Variants in THRA observed in about 807,000 individuals in gnomAD.
The protein encoded by THRA is EAR-7.
Under a neutral mutation model 45.0 loss-of-function variants are expected in THRA, and 13 were observed. That is an observed-to-expected ratio of 0.29 (90% CI 0.19 to 0.46). The LOEUF (loss-of-function observed/expected upper bound fraction) is 0.46. Among genes scored for constraint, THRA ranks in the 20% least tolerant of loss-of-function variants. The probability of loss-of-function intolerance (pLI) is 1.00; values close to 1 mark genes in which losing one functional copy is unlikely to be tolerated. For missense variants in THRA, 278 were observed against 556.1 expected (o/e 0.50, Z 5.03); for synonymous variants, 195 against 214.0 (o/e 0.91, Z 0.78).
In THRA at chr17:40,091,643, CT is replaced by C. The variant is rs1490946169; in HGVS notation, c.*2189del. The C allele has an allele frequency of 6.6e-6, 1 of 152,126 alleles. No homozygotes were observed. The highest frequency in any genetic ancestry group is 2.4e-5 in the African/African-American group (1 of 41,378). 9.4% of individuals were successfully genotyped at this position (152,126 alleles called of 1,614,324 possible). ...GCCATGGACACGGCAGAGAAAAGGC[CT>C]TGAAGAGCCTTAGCCTCTTATAGGC... On this transcript the variant is annotated 3_prime_UTR_variant, in exon 9 of 9. Coordinates refer to ENST00000450525, the MANE Select transcript of THRA (RefSeq NM_199334.5).
chr17:40,072,890 T>A (rs1046426819), intron 1 of THRA, among the ~76,000 whole-genome samples: 2 of 152,144 alleles, frequency 1.3e-5, no homozygotes, highest in Non-Finnish European at 2.9e-5. Flanking sequence ...TCCCTGCTCA[T>A]GCCCCCCCAC....
At chr17:40,063,481 C>A (rs1276952606) in intron 1 of THRA, among the ~76,000 whole-genome samples, 2 of 152,102 alleles carry the variant, frequency 1.3e-5, no homozygotes, top group Non-Finnish European at 2.9e-5. Flanking sequence ...GGAGGCCTGC[C>A]CCCCCAGCCC....
rs548550672 is a variant in THRA, at chr17:40,090,145, C to T, written c.*689C>T. The T allele has an allele frequency of 7.8e-5, 38 of 490,292 alleles. No individual in the cohort carries two copies. Among genetic ancestry groups the T allele is most frequent in the African/African-American group, 7.2e-4 (33 of 46,092 alleles). 30.4% of individuals were successfully genotyped at this position (490,292 alleles called of 1,614,324 possible). On this transcript the variant is annotated 3_prime_UTR_variant, in exon 9 of 9. Coordinates refer to ENST00000450525, the MANE Select transcript of THRA (RefSeq NM_199334.5). Reference sequence around the variant, plus strand: ...CCCCTTTACCACCCCATGCACTTTGCGAGCTGCCCCTTCTTCCCCCACATC... The same window carrying T: ...CCCCTTTACCACCCCATGCACTTTGTGAGCTGCCCCTTCTTCCCCCACATC...
chr17:40,085,230 C>T (rs1003211656), intron 6 of THRA, among the ~76,000 whole-genome samples: 7 of 152,192 alleles, frequency 4.6e-5, no homozygotes, highest in Non-Finnish European at 8.8e-5. Context: ...GGTGCAGTGG[C>T]TCATGCCTGT....
At chr17:40,085,607 T>G (rs1482769186) in intron 6 of THRA, among the ~76,000 whole-genome samples, 1 of 151,846 alleles carries the variant, frequency 6.6e-6, no homozygotes, top group Non-Finnish European at 1.5e-5. Context: ...GTGCTGTGAT[T>G]ACAAGATGTG....
At chr17:40,087,072 CCTAGCATACAGATACGT>C in intron 7 of THRA, 1 of 573,892 alleles carries the variant, frequency 1.7e-6, no homozygotes, top group Non-Finnish European at 3.0e-6. Flanking sequence ...CACACACACA[CCTAGCATACAGATACGT>C]ACACAGACAC....
rs920946330 is a variant in THRA, at chr17:40,090,146, G to A, written c.*690G>A. The A allele has an allele frequency of 8.2e-6, 4 of 489,482 alleles. No homozygotes were observed. Among genetic ancestry groups the A allele is most frequent in the African/African-American group, 2.3e-5 (1 of 43,702 alleles). 30.3% of individuals were successfully genotyped at this position (489,482 alleles called of 1,614,324 possible). A position where few individuals can be genotyped will look rare whatever the true frequency, so the allele number is the denominator to read the frequency against. The stretch of plus-strand genomic sequence containing the variant: ...CCCTTTACCACCCCATGCACTTTGC[G>A]AGCTGCCCCTTCTTCCCCCACATCA... On this transcript the variant is annotated 3_prime_UTR_variant, in exon 9 of 9. Coordinates refer to ENST00000450525, the MANE Select transcript of THRA (RefSeq NM_199334.5).
At chr17:40,078,971 C>T (rs1382591697) in intron 4 of THRA, among the ~76,000 whole-genome samples, 1 of 151,974 alleles carries the variant, frequency 6.6e-6, no homozygotes, top group Non-Finnish European at 1.5e-5. Context: ...ACCTCGTGAT[C>T]CGCCCGCCTT....
intron 7 of THRA, among the ~76,000 whole-genome samples, chr17:40,087,976 G>T (rs1450218172): frequency 2.0e-5 from 3 of 152,144 alleles, no homozygotes; most frequent in Non-Finnish European, 2.9e-5. Context: ...GGCCAGGCTG[G>T]TCTCGAACTC....
At chr17:40,085,937 C>T (rs1366658656) in intron 6 of THRA, among the ~76,000 whole-genome samples, 2 of 152,146 alleles carry the variant, frequency 1.3e-5, no homozygotes, top group Non-Finnish European at 2.9e-5. Context: ...CTACTGCTCC[C>T]GGCCTCTCTA....
intron 2 of THRA, among the ~76,000 whole-genome samples, chr17:40,076,306 G>A (rs1262639663): frequency 6.6e-6 from 1 of 152,168 alleles, no homozygotes; most frequent in Non-Finnish European, 1.5e-5. Flanking sequence ...CACACTGGAG[G>A]GATGAGGGTG....
At chr17:40,072,337 C>T (rs759025652) in intron 1 of THRA, among the ~76,000 whole-genome samples, 3 of 152,162 alleles carry the variant, frequency 2.0e-5, no homozygotes, top group Non-Finnish European at 4.4e-5. Context: ...TCCTCGGCTG[C>T]CCCCAGGACC....
chr17:40,089,099 C>A lies in THRA; in HGVS notation c.983-107C>A. 1 of 1,093,116 alleles carries A rather than the reference C, an allele frequency of 9.1e-7. No homozygotes were observed. Among genetic ancestry groups the A allele is most frequent in the Non-Finnish European group, 1.3e-6 (1 of 755,812 alleles). The allele number at this position is 1,093,116 out of a possible 1,614,324, so 67.7% of individuals were successfully genotyped here. A position where few individuals can be genotyped will look rare whatever the true frequency, so the allele number is the denominator to read the frequency against. On this transcript the variant is annotated intron_variant, in intron 8 of 8. Transcript: ENST00000450525. This position sits in a 1 kb window ranked among gnomAD's most constrained non-coding sequence, Gnocchi z 6.1. ...CCCCTCCCCTCCCCCAGCCTCTCTGCCTCTATCTCCCCTCTAGTCCTTTCT... is the reference window on the plus strand; with the variant it reads ...CCCCTCCCCTCCCCCAGCCTCTCTGACTCTATCTCCCCTCTAGTCCTTTCT...
chr17:40,086,684 C>G (rs1987330391), intron 6 of THRA, 23 bp from the exon 7 acceptor site: 1 of 1,607,678 alleles, frequency 6.2e-7, no homozygotes, highest in Admixed American at 1.7e-5. Flanking sequence ...GCGGCCCCAG[C>G]TGACCCCCGT....
rs777838472 is a variant in THRA at position 40,077,536 on chromosome 17, C to T, written c.150C>T (p.Asp50=). 3.0e-5 allele frequency: 48 copies of T among 1,613,912 alleles called. No homozygotes were observed. Among genetic ancestry groups the T allele is most frequent in the Non-Finnish European group, 3.6e-5 (43 of 1,179,962 alleles). The change falls in exon 4 of 9, where the codon GAC becomes GAT. Residue 50 remains aspartate (D), a synonymous_variant. Coordinates refer to ENST00000450525, the MANE Select transcript of THRA (RefSeq NM_199334.5). ...SGYIPSYLDK[D]EQCVVCGDKA... ...ATATCCCTAGTTACCTGGACAAAGA[C>T]GAGCAGTGTGTCGTGTGTGGGGACA...
intron 2 of THRA, among the ~76,000 whole-genome samples, chr17:40,076,466 G>A (rs1986956963): frequency 6.6e-6 from 1 of 152,178 alleles, no homozygotes; most frequent in Non-Finnish European, 1.5e-5. Context: ...AAGGTTGCAT[G>A]GTTATTCATC....
intron 6 of THRA, among the ~76,000 whole-genome samples, chr17:40,085,587 G>A (rs1332367220): frequency 6.6e-5 from 10 of 151,720 alleles, no homozygotes; most frequent in Non-Finnish European, 1.5e-4. Context: ...ACCCGCCTCG[G>A]CCTCCCAAAG....
chr17:40,071,122 C>A (rs1986760473), intron 1 of THRA, among the ~76,000 whole-genome samples: 1 of 152,038 alleles, frequency 6.6e-6, no homozygotes, highest in African/African-American at 2.4e-5. Context: ...ATCTTTCCAC[C>A]CTTTTCTCAG....
chr17:40,084,060 G>A, intron 5 of THRA, 78 bp downstream of exon 5: 1 of 1,501,686 alleles, frequency 6.7e-7, no homozygotes, highest in Non-Finnish European at 8.9e-7. Context: ...CTTCCTTCCA[G>A]GGTACCCTCA....
Sources: allele counts gnomAD v4.1 joint callset (sites outside exome capture counted in the v4.1 genomes callset), GRCh38; gene constraint gnomAD v4.1.1; non-coding constraint Gnocchi (gnomAD v3.1); transcripts MANE v1.5; gene names NCBI Gene and HGNC (gene_info 2026-07-23, HGNC 2026-07-21).